ADCYAP1R1: variants seen among roughly 807,000 people sequenced by gnomAD.
ADCYAP1R1 encodes pituitary adenylate cyclase-activating polypeptide type I receptor.
ADCYAP1R1 carries 44 observed loss-of-function variants against 67.6 expected under a neutral mutation model. That is an observed-to-expected ratio of 0.65 (90% confidence interval 0.51 to 0.84). The LOEUF (loss-of-function observed/expected upper bound fraction) is 0.84, where lower values mean the gene tolerates loss of function less well. Ranked by LOEUF, ADCYAP1R1 falls within the 40% of genes least tolerant of loss-of-function variation. ADCYAP1R1 has a pLI of 0.00. For missense variants in ADCYAP1R1, 477 were observed against 587.9 expected, an observed-to-expected ratio of 0.81 and a Z score of 1.95; for synonymous variants, 222 against 219.6, an observed-to-expected ratio of 1.01 and a Z score of -0.10.
chr7:31,088,544 T>G (rs1213215868), intron 12 of ADCYAP1R1, among the ~76,000 whole-genome samples: 1 of 152,236 alleles, frequency 6.6e-6, no homozygotes, highest in African/African-American at 2.4e-5. Flanking sequence ...GAAATTTTAT[T>G]GTTTTGTCTG....
intron 3 of ADCYAP1R1, among the ~76,000 whole-genome samples, chr7:31,066,768 A>G (rs566901768): frequency 1.4e-4 from 21 of 152,160 alleles, no homozygotes; most frequent in Non-Finnish European, 2.6e-4. Context: ...AGAACCCTTG[A>G]GCTAGGCCCA....
At chr7:31,063,389 T>C in intron 2 of ADCYAP1R1, 74 bp downstream of exon 2, 1 of 1,547,652 alleles carries the variant, frequency 6.5e-7, no homozygotes, top group Non-Finnish European at 8.9e-7. Flanking sequence ...TCATGTTTTT[T>C]CTGTACCCTC....
rs902268685 is a variant in ADCYAP1R1 at position 31,096,620 on chromosome 7, C to A, written c.1046+3885C>A. Among the ~76,000 whole-genome samples the A allele has an allele frequency of 7.9e-5, 12 of 152,304 alleles. No individual in the cohort carries two copies. In the East Asian group the frequency reaches 2.3e-3, roughly 29 times the overall value. ...GGGTGCCCAGACTTCTCAGCTGGGA[C>A]CCCTCCAGACCGGCTGGGAGTATGG... On this transcript the variant is annotated intron_variant, in intron 13 of 15. Coordinates refer to ENST00000304166, the MANE Select transcript of ADCYAP1R1 (RefSeq NM_001118.5).
At chr7:31,065,889 A>G (rs564271692) in intron 3 of ADCYAP1R1, among the ~76,000 whole-genome samples, 1 of 152,186 alleles carries the variant, frequency 6.6e-6, no homozygotes, top group Non-Finnish European at 1.5e-5. Context: ...GCACTTGACT[A>G]ATCTGCAGCC....
At chr7:31,082,814 C>A (rs1795565319) in intron 6 of ADCYAP1R1, among the ~76,000 whole-genome samples, 1 of 152,270 alleles carries the variant, frequency 6.6e-6, no homozygotes, top group African/African-American at 2.4e-5. Flanking sequence ...CTGTTGGAGT[C>A]TCCCTGTTGT....
intron 1 of ADCYAP1R1, among the ~76,000 whole-genome samples, chr7:31,055,934 C>G (rs1472718968): frequency 6.6e-6 from 1 of 152,204 alleles, no homozygotes; most frequent in East Asian, 1.9e-4. Flanking sequence ...TTGATTCCCC[C>G]ACTCTAAAGA....
intron 1 of ADCYAP1R1, among the ~76,000 whole-genome samples, chr7:31,056,014 C>T (rs1794224578): frequency 6.6e-6 from 1 of 152,234 alleles, no homozygotes; most frequent in African/African-American, 2.4e-5. Context: ...AGTTCCTGAG[C>T]CCCCTTCACC....
chr7:31,088,207 CATTA>C (rs1795831201), intron 12 of ADCYAP1R1, among the ~76,000 whole-genome samples: 2 of 152,182 alleles, frequency 1.3e-5, no homozygotes, highest in Non-Finnish European at 2.9e-5. Flanking sequence ...TGTTTCCAAA[CATTA>C]ATTGACAATT....
chr7:31,053,753 A>G (rs1794124942), intron 1 of ADCYAP1R1, among the ~76,000 whole-genome samples: 1 of 152,172 alleles, frequency 6.6e-6, no homozygotes. Context: ...TCCAAGACAC[A>G]GCATTTGGCT....
intron 13 of ADCYAP1R1, among the ~76,000 whole-genome samples, chr7:31,096,454 G>T (rs1796199231): frequency 6.6e-6 from 1 of 152,166 alleles, no homozygotes; most frequent in African/African-American, 2.4e-5. Context: ...AGGAGCACCT[G>T]ATCCTCAAAG....
chr7:31,106,802 G>T lies in ADCYAP1R1; in HGVS notation c.*118G>T, dbSNP rs1402174251. 7 of 1,235,840 alleles carry T rather than the reference G, an allele frequency of 5.7e-6. No individual in the cohort carries two copies. The highest frequency in any genetic ancestry group is 7.6e-6 in the Non-Finnish European group (7 of 916,772). The allele number at this position is 1,235,840 out of a possible 1,614,324, so 76.6% of individuals were successfully genotyped here. On this transcript the variant is annotated 3_prime_UTR_variant, in exon 16 of 16. Coordinates refer to ENST00000304166, the MANE Select transcript of ADCYAP1R1 (RefSeq NM_001118.5). Reference sequence around the variant, plus strand: ...TGGGCAGGCCCTGGGCTGGAAGCTTGGCTCCTGAGGGGGGAGAAGGAGGCA... The same window carrying T: ...TGGGCAGGCCCTGGGCTGGAAGCTTTGCTCCTGAGGGGGGAGAAGGAGGCA...
chr7:31,062,183 C>T (rs539086691), intron 1 of ADCYAP1R1, among the ~76,000 whole-genome samples: 4 of 152,250 alleles, frequency 2.6e-5, no homozygotes, highest in South Asian at 2.1e-4. Context: ...GGGTATATGT[C>T]GTAATGATCA....
At chr7:31,071,196 G>T (rs1292079919) in intron 3 of ADCYAP1R1, among the ~76,000 whole-genome samples, 1 of 152,160 alleles carries the variant, frequency 6.6e-6, no homozygotes, top group African/African-American at 2.4e-5. Flanking sequence ...GACAACCCAG[G>T]ATTAGCTCCT....
intron 13 of ADCYAP1R1, 149 bp from the exon 14 acceptor site, chr7:31,103,088 T>C (rs1796501566): frequency 8.9e-7 from 1 of 1,121,102 alleles, no homozygotes. Flanking sequence ...CCAGGCCACT[T>C]GTACTGGGAG....
chr7:31,078,235 G>A, intron 4 of ADCYAP1R1, 137 bp downstream of exon 4: 1 of 629,032 alleles, frequency 1.6e-6, no homozygotes, highest in African/African-American at 1.8e-5. Context: ...TGGTGTGGGG[G>A]ATGAAACCAC....
intron 12 of ADCYAP1R1, among the ~76,000 whole-genome samples, chr7:31,089,494 A>G (rs1584523739): frequency 6.6e-6 from 1 of 151,580 alleles, no homozygotes; most frequent in East Asian, 1.9e-4. Context: ...GCATTCATTC[A>G]AGTAATGATT....
intron 1 of ADCYAP1R1, among the ~76,000 whole-genome samples, chr7:31,060,212 G>A (rs1462271651): frequency 6.6e-6 from 1 of 152,218 alleles, no homozygotes; most frequent in Non-Finnish European, 1.5e-5. Context: ...GCCCCTGCAA[G>A]TCTGGGCATC....
At chr7:31,104,977 CA>C in intron 15 of ADCYAP1R1, 68 bp downstream of exon 15, 6 of 1,517,716 alleles carry the variant, frequency 4.0e-6, no homozygotes, top group Non-Finnish European at 5.5e-6. Flanking sequence ...ACAGGGGAAC[CA>C]CCTGTTGGCC....
chr7:31,110,585 A>G lies in ADCYAP1R1; in HGVS notation c.*3901A>G, dbSNP rs1451851381. On this transcript the variant is annotated 3_prime_UTR_variant, in exon 16 of 16. Coordinates refer to ENST00000304166, the MANE Select transcript of ADCYAP1R1 (RefSeq NM_001118.5). ...GCCCTGCACATGAGCAGAATGTGACACTCAAAGCATCCATGCAGTACGCAT... is the reference window on the plus strand; with the variant it reads ...GCCCTGCACATGAGCAGAATGTGACGCTCAAAGCATCCATGCAGTACGCAT... The G allele has an allele frequency of 6.6e-6, 1 of 152,460 alleles. No homozygotes were observed. Among genetic ancestry groups the G allele is most frequent in the Admixed American group, 6.5e-5 (1 of 15,284 alleles). The allele number at this position is 152,460 out of a possible 1,614,324, so 9.4% of individuals were successfully genotyped here. A position where few individuals can be genotyped will look rare whatever the true frequency, so the allele number is the denominator to read the frequency against.
Sources: allele counts gnomAD v4.1 joint callset (sites outside exome capture counted in the v4.1 genomes callset), GRCh38; gene constraint gnomAD v4.1.1; transcripts MANE v1.5; gene names NCBI Gene and HGNC (gene_info 2026-07-23, HGNC 2026-07-21).